CUBN: variants seen among roughly 807,000 people sequenced by gnomAD.
CUBN encodes the protein cubilin.
CUBN carries 282 observed loss-of-function variants against 405.3 expected under a neutral mutation model. The ratio of observed to expected loss-of-function variants is 0.70; its 90% confidence interval spans 0.63 to 0.77. The LOEUF is 0.77. Ranked by LOEUF, CUBN falls within the 30% of genes least tolerant of loss-of-function variation. CUBN has a pLI of 0.00. For synonymous variants in CUBN, 1,684 were observed against 1,617.0 expected (o/e 1.04, Z -0.99); for missense variants, 4,514 against 4,475.2 (o/e 1.01, Z -0.25).
intron 22 of CUBN, among the ~76,000 whole-genome samples, chr10:17,060,321 A>G (rs563528235): frequency 6.6e-6 from 1 of 151,682 alleles, no homozygotes; most frequent in African/African-American, 2.4e-5. Flanking sequence ...GGGTTTCTCC[A>G]TGTTGGTCAG....
chr10:16,913,372 T>G (rs1841788050), intron 48 of CUBN, among the ~76,000 whole-genome samples: 1 of 152,164 alleles, frequency 6.6e-6, no homozygotes, highest in Non-Finnish European at 1.5e-5. Context: ...GTTGGTGACA[T>G]GGAGGTCACG....
In CUBN at chr10:16,950,126, A is replaced by G; in HGVS notation, c.4970-15T>C. 2 of 1,587,882 alleles carry G rather than the reference A, an allele frequency of 1.3e-6. No homozygotes were observed. The highest frequency in any genetic ancestry group is 1.7e-6 in the Non-Finnish European group (2 of 1,157,564). The stretch of plus-strand genomic sequence containing the variant: ...GATATGATTTACTGGAAGAAAAAAG[A>G]GAAGACTCTCTCGTAAAGTACTGGC... On this transcript the variant is annotated splice_polypyrimidine_tract_variant and intron_variant, in intron 33 of 66. Coordinates refer to ENST00000377833, the MANE Select transcript of CUBN (RefSeq NM_001081.4).
At chr10:17,101,307 T>C (rs1401537384) in intron 13 of CUBN, among the ~76,000 whole-genome samples, 1 of 152,134 alleles carries the variant, frequency 6.6e-6, no homozygotes, top group Non-Finnish European at 1.5e-5. Flanking sequence ...TGCGAATTGG[T>C]AATGAAAGTA....
chr10:16,972,443 AT>A (rs55982899), intron 31 of CUBN, among the ~76,000 whole-genome samples: 3,722 of 146,262 alleles, frequency 0.025, 74 homozygotes, highest in South Asian at 0.11. Context: ...ATCATTCACA[AT>A]TTTTTTTTTT....
intron 36 of CUBN, among the ~76,000 whole-genome samples, chr10:16,945,762 G>A (rs1303417223): frequency 1.8e-5 from 2 of 109,022 alleles, no homozygotes; most frequent in African/African-American, 4.3e-5. Context: ...GCCAGACTGT[G>A]TCTCCAAAAA....
rs561869584 is a variant in CUBN, at chr10:16,984,645, C to A, written c.4351-366G>T. 5.3e-5 allele frequency among the ~76,000 whole-genome samples: 8 copies of A among 152,140 alleles called. No homozygotes were observed. The East Asian group carries it at 1.4e-3, about 26-fold the overall frequency. On this transcript the variant is annotated intron_variant, in intron 29 of 66. Transcript: ENST00000377833. ...CATTACAGATCATACAATATTAAGT[C>A]GATTTTCTGAATTTTAGGGGGACCT...
At chr10:16,971,676 T>C (rs956246678) in intron 31 of CUBN, among the ~76,000 whole-genome samples, 12 of 152,174 alleles carry the variant, frequency 7.9e-5, no homozygotes, top group Non-Finnish European at 7.4e-5. Context: ...AAGTACAACA[T>C]TCATAGAACC....
chr10:17,065,598 C>T lies in CUBN; in HGVS notation c.3049G>A (p.Gly1017Ser), dbSNP rs1207798792. 1.9e-6 allele frequency: 3 copies of T among 1,613,592 alleles called. No homozygotes were observed. The highest frequency in any genetic ancestry group is 1.7e-5 in the Admixed American group (1 of 60,006). ...KSIPPSLTSS[G>S]NSLMLVFVTD... ...ACAAACACCAGCATCAATGAGTTAC[C>T]ACTGCTTGTGAGAGATGGCGGGATC... The change falls in exon 22 of 67, where the codon GGT (glycine) becomes AGT (serine). Residue 1017 changes from glycine (G) to serine (S), a missense_variant. Physicochemically the swap from Gly to Ser is moderately conservative, Grantham distance 56. Transcript: ENST00000377833.
chr10:16,870,748 A>G (rs982148826), intron 58 of CUBN, among the ~76,000 whole-genome samples: 3 of 152,160 alleles, frequency 2.0e-5, no homozygotes, highest in Admixed American at 6.5e-5. Context: ...TGAGAAATCA[A>G]CTTGTTGAGT....
At position 16,851,323 on chromosome 10, in the gene CUBN, G is replaced by A; in HGVS notation, c.9575C>T (p.Pro3192Leu). The change falls in exon 60 of 67, where the codon CCT (proline) becomes CTT (leucine). Residue 3192 changes from proline to leucine, a missense_variant. Transcript: ENST00000377833. ...NLNCVWIIIA[P>L]VNKVIHLTFN... Reference sequence around the variant, plus strand: ...GGTGAGGTGAATTACTTTGTTTACAGGTGCAATTATGATCCATACACAGTT... The same window carrying A: ...GGTGAGGTGAATTACTTTGTTTACAAGTGCAATTATGATCCATACACAGTT... 2 of 1,614,066 alleles carry A rather than the reference G, an allele frequency of 1.2e-6. No homozygotes were observed. Among genetic ancestry groups the A allele is most frequent in the Non-Finnish European group, 1.7e-6 (2 of 1,179,944 alleles).
chr10:17,125,422 C>T (rs923536319), intron 4 of CUBN, among the ~76,000 whole-genome samples: 1 of 152,184 alleles, frequency 6.6e-6, no homozygotes, highest in Admixed American at 6.5e-5. Context: ...GATGACCACA[C>T]GTCTGGGGGT....
rs1314902724 is a variant in CUBN, at chr10:16,898,998, T to G, written c.8596A>C (p.Lys2866Gln). 2.5e-6 allele frequency: 4 copies of G among 1,606,592 alleles called. No individual in the cohort carries two copies. The highest frequency in any genetic ancestry group is 4.5e-5 in the East Asian group (2 of 44,864). Reference protein sequence around the residue: ...GDGQCQNSFVKVWAGTEEVDK... With the variant: ...GDGQCQNSFVQVWAGTEEVDK... ...ATTAAATGAACAAGTGTACTAACCT[T>G]CACGAAGCTATTCTGACATTGTCCA... is the stretch of plus-strand genomic sequence containing the variant. Residue 2866 changes from lysine (K) to glutamine (Q), a missense_variant and splice_region_variant, in exon 54 of 67, where the codon AAG becomes CAG. By Grantham distance (53) the Lys-to-Gln change is moderately conservative. This residue lies in a region of CUBN where 1,186 missense variants were observed against 1,186.9 expected (regional missense o/e 1.00). Transcript: ENST00000377833.
intron 53 of CUBN, among the ~76,000 whole-genome samples, chr10:16,900,378 C>T (rs551180545): frequency 7.2e-5 from 11 of 152,286 alleles, no homozygotes; most frequent in African/African-American, 1.4e-4. Flanking sequence ...ATTCAAATCC[C>T]GACTCTACCA....
intron 54 of CUBN, among the ~76,000 whole-genome samples, chr10:16,891,838 G>C (rs1445736735): frequency 6.6e-6 from 1 of 152,068 alleles, no homozygotes; most frequent in Non-Finnish European, 1.5e-5. Flanking sequence ...TGTCACACTC[G>C]GTGTGATGGG....
intron 4 of CUBN, among the ~76,000 whole-genome samples, chr10:17,125,266 A>G (rs1162678522): frequency 6.6e-6 from 1 of 152,132 alleles, no homozygotes; most frequent in Non-Finnish European, 1.5e-5. Flanking sequence ...ACATACAAAT[A>G]CAACATACTA....
Position 16,824,904 on chromosome 10 carries a change from A to G in CUBN, c.*71T>C. 1.9e-6 allele frequency: 2 copies of G among 1,045,636 alleles called. No individual in the cohort carries two copies. Among genetic ancestry groups the G allele is most frequent in the Admixed American group, 1.8e-5 (1 of 56,698 alleles). 64.8% of individuals were successfully genotyped at this position (1,045,636 alleles called of 1,614,324 possible). A position where few individuals can be genotyped will look rare whatever the true frequency, so the allele number is the denominator to read the frequency against. On this transcript the variant is annotated 3_prime_UTR_variant, in exon 67 of 67. Coordinates refer to ENST00000377833, the MANE Select transcript of CUBN (RefSeq NM_001081.4). ...TCTGTGGCATCAGCAGGGGTCATGT[A>G]TCAGGATGGCAGAGTGCTGTCCAGC...
At chr10:16,985,001 T>C (rs1833377159) in intron 29 of CUBN, among the ~76,000 whole-genome samples, 1 of 152,234 alleles carries the variant, frequency 6.6e-6, no homozygotes, top group Non-Finnish European at 1.5e-5. Flanking sequence ...TGCTCAGGGA[T>C]TGCCCTAGAC....
intron 28 of CUBN, among the ~76,000 whole-genome samples, chr10:16,993,887 C>T (rs185069276): frequency 6.6e-6 from 1 of 152,212 alleles, no homozygotes; most frequent in Non-Finnish European, 1.5e-5. Flanking sequence ...ACAGTTAGGG[C>T]TTGAAATCTC....
intron 25 of CUBN, 148 bp downstream of exon 25, chr10:17,044,859 T>C: frequency 2.4e-6 from 2 of 818,976 alleles, no homozygotes; most frequent in South Asian, 3.0e-5. Flanking sequence ...TTCACCAAAT[T>C]TCTTTTATGT....
Sources: gnomAD v4.1 joint callset for allele counts (sites outside exome capture counted in the v4.1 genomes callset) on GRCh38, gnomAD v4.1.1 for gene constraint, gnomAD v4.1.1 regional missense constraint, MANE v1.5 for transcripts, NCBI Gene and HGNC (gene_info 2026-07-23, HGNC 2026-07-21) for gene names.